The following SEMA6C variants were observed in gnomAD, a reference collection of about 807,000 sequenced individuals.
The protein encoded by SEMA6C is semaphorin 6C.
Under a neutral mutation model 72.9 loss-of-function variants are expected in SEMA6C, and 37 were observed. The observed-to-expected ratio is 0.51, with a 90% CI of 0.39 to 0.67. The LOEUF is 0.67. Ranked by LOEUF, SEMA6C falls within the 30% of genes least tolerant of loss-of-function variation. The pLI, the probability that SEMA6C is intolerant of heterozygous loss-of-function variation, is 0.00. For synonymous variants in SEMA6C, 578 were observed against 554.1 expected, an observed-to-expected ratio of 1.04 and a Z score of -0.61; for missense variants, 1,189 against 1,263.6, an observed-to-expected ratio of 0.94 and a Z score of 0.89.
rs144876600 is a variant in SEMA6C at position 151,138,022 on chromosome 1, G to T, written c.631C>A (p.Leu211Ile). 1.9e-6 allele frequency: 3 copies of T among 1,614,074 alleles called. No homozygotes were observed. Among genetic ancestry groups the T allele is most frequent in the Non-Finnish European group, 2.5e-6 (3 of 1,180,036 alleles). ...VYRSLGPQPP[L>I]RSAKYDSKWL... ...TTGGAGTCATACTTGGCGGAGCGGA[G>T]TGGGGGCTGGGGCCCAAGGCTTCTG... The change falls in exon 9 of 19, where the codon CTC becomes ATC. Residue 211 changes from leucine (L) to isoleucine (I), a missense_variant. Leu to Ile is a conservative substitution (Grantham distance 5, BLOSUM62 2). Coordinates refer to ENST00000368914, the MANE Select transcript of SEMA6C (RefSeq NM_030913.6).
Position 151,133,032 on chromosome 1 carries a change from G to C in SEMA6C, c.2245C>G (p.Leu749Val). The change falls in exon 19 of 19, where the codon CTG (leucine) becomes GTG (valine). Residue 749 changes from leucine (L) to valine (V), a missense_variant. Leu to Val is a conservative substitution (Grantham distance 32). This residue lies in a region of SEMA6C where 721 missense variants were observed against 686.2 expected (regional missense o/e 1.05). Coordinates refer to ENST00000368914, the MANE Select transcript of SEMA6C (RefSeq NM_030913.6). The surrounding 1 kb of genome is among the most constrained non-coding windows in gnomAD (Gnocchi z 5.9). ...HAAGGPAPRV[L>V]VRPPPPGCPG... ...CAGCCGGGCGGCGGTGGCCTCACCA[G>C]CACGCGGGGCGCGGGCCCGCCCGCC... 1 of 1,393,578 alleles carries C rather than the reference G, an allele frequency of 7.2e-7. No individual in the cohort carries two copies. 86.3% of individuals were successfully genotyped at this position (1,393,578 alleles called of 1,614,324 possible). A position where few individuals can be genotyped will look rare whatever the true frequency, so the allele number is the denominator to read the frequency against.
At position 151,136,900 on chromosome 1, in the gene SEMA6C, C is replaced by T. The variant is rs1192316694; in HGVS notation, c.931G>A (p.Gly311Ser). 2 of 1,613,914 alleles carry T rather than the reference C, an allele frequency of 1.2e-6. No homozygotes were observed. The highest frequency in any genetic ancestry group is 1.3e-5 in the African/African-American group (1 of 74,888). Residue 311 changes from glycine (G) to serine (S), a missense_variant, in exon 11 of 19, where the codon GGC (glycine) becomes AGC (serine). By Grantham distance (56) the Gly-to-Ser change is moderately conservative. Coordinates refer to ENST00000368914, the MANE Select transcript of SEMA6C (RefSeq NM_030913.6). The stretch of plus-strand genomic sequence containing the variant: ...AAGACCCCAAAGAGAGCAGAGCGGC[C>T]ATGCAGGTTCACAGGCCCAGTCAAG... ...QALTGPVNLH[G>S]RSALFGVFTT...
rs763924322 is a variant in SEMA6C at position 151,135,621 on chromosome 1, A to C, written c.1403T>G (p.Leu468Arg). Residue 468 changes from leucine (L) to arginine (R), a missense_variant, in exon 14 of 19, where the codon CTG becomes CGG. By Grantham distance (102) the Leu-to-Arg change is moderately radical. This residue lies in a region of SEMA6C where 721 missense variants were observed against 686.2 expected (regional missense o/e 1.05). Coordinates refer to ENST00000368914, the MANE Select transcript of SEMA6C (RefSeq NM_030913.6). ...GRSGGPEPIL[L>R]EEIDAYSPAR... ...AGGGCTGTAGGCATCAATCTCTTCC[A>C]GGAGGATGGGCTCAGGTCCCCCGGA... The C allele has an allele frequency of 1.9e-6, 3 of 1,613,974 alleles. No homozygotes were observed. In the African/African-American group the frequency reaches 4.0e-5, roughly 22 times the overall value.
Position 151,137,775 on chromosome 1 carries a change from T to C in SEMA6C, c.692A>G (p.Glu231Gly), listed in dbSNP as rs1403859825. 1 of 1,613,412 alleles carries C rather than the reference T, an allele frequency of 6.2e-7. No individual in the cohort carries two copies. Residue 231 changes from glutamate to glycine, a missense_variant, in exon 10 of 19, where the codon GAG becomes GGG. Physicochemically the swap from Glu to Gly is moderately conservative, Grantham distance 98. Transcript: ENST00000368914. ...LREPHFVQAL[E>G]HGDHVYFFFR... ...GAAGAAGTAGACATGGTCTCCATGC[T>C]CCAAGGCCTGGACAAAGTGTGGCTC... is the stretch of plus-strand genomic sequence containing the variant.
At chr1:151,142,765 A>C (rs1682656420) in intron 2 of SEMA6C, 90 bp from the exon 3 acceptor site, 1 of 633,830 alleles carries the variant, frequency 1.6e-6, no homozygotes. Context: ...GTGTATCCCC[A>C]GAAGACCCTG....
At chr1:151,138,233 G>T in intron 8 of SEMA6C, 83 bp downstream of exon 8, 1 of 1,581,954 alleles carries the variant, frequency 6.3e-7, no homozygotes, top group Non-Finnish European at 8.6e-7. Flanking sequence ...TCAGGGGAAT[G>T]GGGGAAAGAC....
rs1426612845 is a variant in SEMA6C at position 151,132,662 on chromosome 1, G to T, written c.2615C>A (p.Pro872His). 1 of 1,549,654 alleles carries T rather than the reference G, an allele frequency of 6.5e-7. No individual in the cohort carries two copies. The highest frequency in any genetic ancestry group is 2.4e-5 in the East Asian group (1 of 40,862). ...CCCGGGACCCCCGGAGTACCTGGAG[G>T]GACCTCCCGAGGGGACTCGAGTGAG... The part of the protein sequence containing the change: ...ALLTRVPSGG[P>H]SRYSGGPGKH... Residue 872 changes from proline (P) to histidine (H), a missense_variant, in exon 19 of 19, where the codon CCC becomes CAC. By Grantham distance (77) the Pro-to-His change is moderately conservative. Transcript: ENST00000368914.
intron 6 of SEMA6C, 84 bp from the exon 7 acceptor site, chr1:151,138,815 G>A (rs1367767002): frequency 1.2e-5 from 14 of 1,121,154 alleles, no homozygotes; most frequent in African/African-American, 3.1e-5. Context: ...CTTACAGGGC[G>A]GGCGTGGTGG....
At chr1:151,144,676 C>T (rs1682805244) in intron 1 of SEMA6C, among the ~76,000 whole-genome samples, 1 of 152,174 alleles carries the variant, frequency 6.6e-6, no homozygotes, top group Non-Finnish European at 1.5e-5. Context: ...GCTAGAACTA[C>T]AGGGCTAGCC....
At position 151,133,126 on chromosome 1, in the gene SEMA6C, G is replaced by C. The variant is rs587604256; in HGVS notation, c.2151C>G (p.Asp717Glu). 5.6e-5 allele frequency: 87 copies of C among 1,563,752 alleles called. No individual in the cohort carries two copies. In the African/African-American group the frequency reaches 1.2e-3, roughly 21 times the overall value. ...LPVKHLRAAG[D>E]PWEWNQNRNN... ...TCCTGTTCTGGTTCCACTCCCAGGG[G>C]TCCCCGGCGGCGCGGAGGTGCTTGA... The change falls in exon 19 of 19, where the codon GAC becomes GAG. Residue 717 changes from aspartate to glutamate, a missense_variant. Around this residue, in one of 2 missense-constraint regions of SEMA6C, gnomAD observed 721 missense variants for 686.2 expected, o/e 1.05. Transcript: ENST00000368914. This position sits in a 1 kb window ranked among gnomAD's most constrained non-coding sequence, Gnocchi z 5.9.
Position 151,146,574 on chromosome 1 carries a change from G to A in SEMA6C, c.-246C>T, listed in dbSNP as rs587729200. 1.1e-4 allele frequency: 17 copies of A among 152,396 alleles called. No individual in the cohort carries two copies. Among genetic ancestry groups the A allele is most frequent in the African/African-American group, 4.1e-4 (17 of 41,584 alleles). The allele number at this position is 152,396 out of a possible 1,614,324, so 9.4% of individuals were successfully genotyped here. Reference sequence around the variant, plus strand: ...ATGGTGCTTGAATTTGGGTTCCAGGGCGCTGTCGGGAGAGCCCTGGGTCCA... The same window carrying A: ...ATGGTGCTTGAATTTGGGTTCCAGGACGCTGTCGGGAGAGCCCTGGGTCCA... On this transcript the variant is annotated 5_prime_UTR_variant, in exon 1 of 19. Transcript: ENST00000368914. This position sits in a 1 kb window ranked among gnomAD's most constrained non-coding sequence, Gnocchi z 4.6.
intron 14 of SEMA6C, 72 bp downstream of exon 14, chr1:151,135,519 T>C (rs921234478): frequency 3.4e-5 from 52 of 1,534,374 alleles, no homozygotes; most frequent in Admixed American, 2.8e-4. Context: ...TTCCAACCTA[T>C]TCCCGAATCT....
At chr1:151,134,088 G>T in intron 18 of SEMA6C, 1 of 1,418,528 alleles carries the variant, frequency 7.0e-7, no homozygotes, top group Non-Finnish European at 9.4e-7. Context: ...AGCCAGTGAG[G>T]CTCTTGATCT....
rs1215707354 is a variant in SEMA6C, at chr1:151,138,320, A to G, written c.543T>C (p.Phe181=). 2 of 1,613,942 alleles carry G rather than the reference A, an allele frequency of 1.2e-6. No homozygotes were observed. Among genetic ancestry groups the G allele is most frequent in the East Asian group, 4.5e-5 (2 of 44,882 alleles). The change falls in exon 8 of 19, where the codon TTT becomes TTC. Residue 181 remains phenylalanine (F), a synonymous_variant. Coordinates refer to ENST00000368914, the MANE Select transcript of SEMA6C (RefSeq NM_030913.6). ...FDATQSNVAI[F]AEGSLYSATA... is the part of the protein sequence containing the mutation. ...CTCACATGCCCAGTTGCACACCTGC[A>G]AAGATGGCCACGTTGGACTGGGTGG... is the stretch of plus-strand genomic sequence containing the variant.
rs1310127249 is a variant in SEMA6C at position 151,133,347 on chromosome 1, C to T, written c.1930G>A (p.Gly644Arg). ...CGGAGGGAGAGAGGGCGCGGGAGCC[C>T]CGGAGTCTCGATGTCCTTGCCCCGA... ...RRRGKDIETP[G>R]LPRPLSLRSL... The change falls in exon 19 of 19, where the codon GGG becomes AGG. Residue 644 changes from glycine to arginine, a missense_variant. Gly to Arg is a moderately radical substitution (Grantham distance 125, BLOSUM62 -2). Around this residue, in one of 2 missense-constraint regions of SEMA6C, gnomAD observed 721 missense variants for 686.2 expected, o/e 1.05. Transcript: ENST00000368914. This position sits in a 1 kb window ranked among gnomAD's most constrained non-coding sequence, Gnocchi z 5.9. 6.3e-7 allele frequency: 1 copy of T among 1,598,246 alleles called. No homozygotes were observed. The highest frequency in any genetic ancestry group is 1.1e-5 in the South Asian group (1 of 89,744).
Position 151,142,587 on chromosome 1 carries a change from A to C in SEMA6C, c.35T>G (p.Leu12Arg). 1 of 1,605,178 alleles carries C rather than the reference A, an allele frequency of 6.2e-7. No homozygotes were observed. The highest frequency in any genetic ancestry group is 8.5e-7 in the Non-Finnish European group (1 of 1,175,442). The part of the protein sequence containing the change: ...PRAPHFMPLL[L>R]LLLLLSLPHT... ...GGGAAGTGAGAGCAGCAGCAGCAGT[A>C]GCAGCAAGGGCATGAAGTGGGGGGC... Residue 12 changes from leucine (L) to arginine (R), a missense_variant, in exon 3 of 19, where the codon CTA (leucine) becomes CGA (arginine). Leu to Arg is a moderately radical substitution (Grantham distance 102, BLOSUM62 -2). This residue lies in a region of SEMA6C where 468 missense variants were observed against 577.4 expected (regional missense o/e 0.81). Coordinates refer to ENST00000368914, the MANE Select transcript of SEMA6C (RefSeq NM_030913.6).
At chr1:151,143,392 C>T (rs964626562) in intron 2 of SEMA6C, among the ~76,000 whole-genome samples, 3 of 152,296 alleles carry the variant, frequency 2.0e-5, no homozygotes, top group African/African-American at 2.4e-5. Flanking sequence ...CAGCTGTCTG[C>T]CCGACCACTG....
In SEMA6C at chr1:151,133,577, GC is replaced by G. The variant is rs1681763522; in HGVS notation, c.1760-61del. ...AGGGGAGGCGGTGCGGGGTACCTAG[GC>G]CCAGAGGCGCCGGCAGTTCCCAGGC... On this transcript the variant is annotated intron_variant, in intron 18 of 18. Coordinates refer to ENST00000368914, the MANE Select transcript of SEMA6C (RefSeq NM_030913.6). This position sits in a 1 kb window ranked among gnomAD's most constrained non-coding sequence, Gnocchi z 5.9. 1 of 1,441,582 alleles carries G rather than the reference GC, an allele frequency of 6.9e-7. No homozygotes were observed. Among genetic ancestry groups the G allele is most frequent in the Non-Finnish European group, 9.1e-7 (1 of 1,102,140 alleles). The allele number at this position is 1,441,582 out of a possible 1,614,324, so 89.3% of individuals were successfully genotyped here. A position where few individuals can be genotyped will look rare whatever the true frequency, so the allele number is the denominator to read the frequency against.
chr1:151,135,041 G>A lies in SEMA6C; in HGVS notation c.1580+122C>T. ...TGCTGCCCACCTTCAGAATGCTTGA[G>A]GTACCTAGGCACCCCACAGCCATCC... On this transcript the variant is annotated intron_variant, in intron 15 of 18. Coordinates refer to ENST00000368914, the MANE Select transcript of SEMA6C (RefSeq NM_030913.6). 2.8e-6 allele frequency: 4 copies of A among 1,447,148 alleles called. No individual in the cohort carries two copies. The South Asian group carries it at 5.0e-5, about 18-fold the overall frequency. 89.6% of individuals were successfully genotyped at this position (1,447,148 alleles called of 1,614,324 possible).
Sources: allele counts gnomAD v4.1 joint callset (sites outside exome capture counted in the v4.1 genomes callset), GRCh38; gene constraint gnomAD v4.1.1; regional missense constraint gnomAD v4.1.1; non-coding constraint Gnocchi (gnomAD v3.1); transcripts MANE v1.5; gene names NCBI Gene and HGNC (gene_info 2026-07-23, HGNC 2026-07-21).